Variants in DOCK5 observed in about 807,000 individuals in gnomAD.
DOCK5 encodes dedicator of cytokinesis 5.
Under a neutral mutation model 251.8 loss-of-function variants are expected in DOCK5, and 142 were observed. The observed-to-expected ratio is 0.56, with a 90% confidence interval of 0.49 to 0.65. The LOEUF is 0.65. DOCK5 is among the 30% of genes least tolerant of loss of function. DOCK5 has a pLI of 0.00. For missense variants in DOCK5, 2,111 were observed against 2,312.3 expected, an observed-to-expected ratio of 0.91 and a Z score of 1.79; for synonymous variants, 842 against 835.5, an observed-to-expected ratio of 1.01 and a Z score of -0.13.
intron 1 of DOCK5, among the ~76,000 whole-genome samples, chr8:25,204,158 T>C (rs1204660596): frequency 3.3e-5 from 5 of 152,188 alleles, no homozygotes; most frequent in Non-Finnish European, 7.3e-5. Context: ...TAGCATGTGT[T>C]TGGATGAATT....
At chr8:25,330,036 G>C (rs1054619513) in intron 18 of DOCK5, among the ~76,000 whole-genome samples, 10 of 152,188 alleles carry the variant, frequency 6.6e-5, no homozygotes, top group Admixed American at 5.9e-4. Flanking sequence ...TGGGCTGATA[G>C]ATGGGTACTT....
At chr8:25,249,606 G>T (rs4872298) in intron 2 of DOCK5, among the ~76,000 whole-genome samples, 1 of 151,886 alleles carries the variant, frequency 6.6e-6, no homozygotes, top group African/African-American at 2.4e-5. Context: ...CATCTCTCTC[G>T]CCCTCTCTCT....
At position 25,369,618 on chromosome 8, in the gene DOCK5, A is replaced by C; in HGVS notation, c.3501A>C (p.Gln1167His). The C allele has an allele frequency of 6.2e-7, 1 of 1,610,866 alleles. No individual in the cohort carries two copies. Among genetic ancestry groups the C allele is most frequent in the Non-Finnish European group, 8.5e-7 (1 of 1,178,530 alleles). ...TAGAAGGGGGCAGAGGAGACGAACA[A>C]TACAAGGTTCTTCTGGAAAAACTGT... ...QEVEGGRGDE[Q>H]YKVLLEKLLL... Residue 1167 changes from glutamine (Q) to histidine (H), a missense_variant, in exon 34 of 52, where the codon CAA becomes CAC. Gln to His is a conservative substitution (Grantham distance 24). Coordinates refer to ENST00000276440, the MANE Select transcript of DOCK5 (RefSeq NM_024940.8).
intron 5 of DOCK5, among the ~76,000 whole-genome samples, chr8:25,281,186 G>C (rs879425618): frequency 4.4e-4 from 67 of 152,058 alleles, no homozygotes; most frequent in African/African-American, 1.3e-3. Flanking sequence ...CAGCACTTTG[G>C]GAGGCTGAGG....
chr8:25,245,455 A>C (rs769880804), intron 2 of DOCK5, among the ~76,000 whole-genome samples: 1 of 152,078 alleles, frequency 6.6e-6, no homozygotes, highest in Non-Finnish European at 1.5e-5. Context: ...CCTATTGTGC[A>C]GGTAAAAAGC....
At chr8:25,330,750 A>G (rs961675183) in intron 18 of DOCK5, among the ~76,000 whole-genome samples, 6 of 152,162 alleles carry the variant, frequency 3.9e-5, no homozygotes, top group African/African-American at 1.4e-4. Context: ...ATATATTTCT[A>G]CAAATTCATT....
At chr8:25,221,228 T>G (rs1217015761) in intron 1 of DOCK5, among the ~76,000 whole-genome samples, 1 of 152,240 alleles carries the variant, frequency 6.6e-6, no homozygotes, top group African/African-American at 2.4e-5. Flanking sequence ...ATCTGATAAG[T>G]GAAATTATTA....
At chr8:25,218,587 T>A (rs1586236757) in intron 1 of DOCK5, among the ~76,000 whole-genome samples, 1 of 152,230 alleles carries the variant, frequency 6.6e-6, no homozygotes, top group African/African-American at 2.4e-5. Flanking sequence ...TTTAAGTCCC[T>A]CCTGTGGTGT....
At chr8:25,185,247 G>T (rs376656484) in intron 1 of DOCK5, among the ~76,000 whole-genome samples, 4 of 152,138 alleles carry the variant, frequency 2.6e-5, no homozygotes, top group Admixed American at 1.3e-4. Context: ...ACGCGAGGGG[G>T]GCGCGCCTGC....
chr8:25,270,208 G>A (rs754033850), intron 3 of DOCK5, among the ~76,000 whole-genome samples: 34 of 152,200 alleles, frequency 2.2e-4, no homozygotes, highest in Middle Eastern at 3.4e-3. Flanking sequence ...TTCTAGTGTC[G>A]CATGTCTTTA....
intron 1 of DOCK5, among the ~76,000 whole-genome samples, chr8:25,241,015 C>G (rs1164790842): frequency 6.6e-6 from 1 of 152,226 alleles, no homozygotes; most frequent in Non-Finnish European, 1.5e-5. Flanking sequence ...GTGTGTCTCT[C>G]AGCTCTCTCT....
chr8:25,259,048 G>A (rs1489197694), intron 2 of DOCK5, among the ~76,000 whole-genome samples: 3 of 152,162 alleles, frequency 2.0e-5, no homozygotes, highest in Admixed American at 6.5e-5. Context: ...GAGCCCGGGG[G>A]GGCGGAGGTT....
Position 25,184,880 on chromosome 8 carries a change from C to G in DOCK5, c.-29C>G, listed in dbSNP as rs954984054. 2 of 1,362,776 alleles carry G rather than the reference C, an allele frequency of 1.5e-6. No homozygotes were observed. Among genetic ancestry groups the G allele is most frequent in the Non-Finnish European group, 1.9e-6 (2 of 1,050,778 alleles). The allele number at this position is 1,362,776 out of a possible 1,614,324, so 84.4% of individuals were successfully genotyped here. On this transcript the variant is annotated 5_prime_UTR_variant, in exon 1 of 52. Transcript: ENST00000276440. ...CCCGAGGAGCTGTAGCAGCCTTAGT[C>G]GCCGCCGCCGCGGGGCGAGGTCGCC...
intron 22 of DOCK5, among the ~76,000 whole-genome samples, chr8:25,340,493 T>C (rs1055574387): frequency 6.6e-6 from 1 of 152,234 alleles, no homozygotes; most frequent in South Asian, 2.1e-4. Context: ...TTTCTACTTA[T>C]GAGAAAGAAC....
chr8:25,381,627 C>CA (rs771065292), intron 39 of DOCK5, among the ~76,000 whole-genome samples: 1,993 of 115,516 alleles, frequency 0.017, 24 homozygotes, highest in African/African-American at 0.048. Flanking sequence ...GACCCTGTCT[C>CA]AAAAAAAAAA....
chr8:25,323,624 G>A (rs951894441), intron 16 of DOCK5, among the ~76,000 whole-genome samples: 9 of 152,186 alleles, frequency 5.9e-5, no homozygotes, highest in Admixed American at 2.0e-4. Flanking sequence ...TGACTGGGCA[G>A]ATGCTAGTCT....
rs1454800150 is a variant in DOCK5, at chr8:25,202,419, G to A, written c.43+17468G>A. ...GGTACTCACTCACTGGCTTAGAACA[G>A]CCTGGAATCCTAAGAGGAATGGATG... On this transcript the variant is annotated intron_variant, in intron 1 of 51. Coordinates refer to ENST00000276440, the MANE Select transcript of DOCK5 (RefSeq NM_024940.8). Among the ~76,000 whole-genome samples the A allele has an allele frequency of 2.0e-5, 3 of 152,298 alleles. No individual in the cohort carries two copies. The East Asian group carries it at 5.8e-4, about 29-fold the overall frequency.
In DOCK5 at chr8:25,414,076, T is replaced by C. The variant is rs531512746; in HGVS notation, c.*2778T>C. The stretch of plus-strand genomic sequence containing the variant: ...TTATCCCTAAAATTGTCACAACTTT[T>C]GTGAATACTGGTATACGGTTGGAGG... On this transcript the variant is annotated 3_prime_UTR_variant, in exon 52 of 52. Coordinates refer to ENST00000276440, the MANE Select transcript of DOCK5 (RefSeq NM_024940.8). 1 of 152,258 alleles carries C rather than the reference T, an allele frequency of 6.6e-6. No homozygotes were observed. Among genetic ancestry groups the C allele is most frequent in the Non-Finnish European group, 1.5e-5 (1 of 68,048 alleles). 9.4% of individuals were successfully genotyped at this position (152,258 alleles called of 1,614,324 possible).
At chr8:25,345,357 AG>A (rs754418059) in intron 25 of DOCK5, 117 bp from the exon 26 acceptor site, 1 of 1,445,136 alleles carries the variant, frequency 6.9e-7, no homozygotes, top group East Asian at 2.3e-5. Context: ...GCATCCCTGC[AG>A]GGCTGATTGC....
Sources: gnomAD v4.1 joint callset for allele counts (sites outside exome capture counted in the v4.1 genomes callset) on GRCh38, gnomAD v4.1.1 for gene constraint, MANE v1.5 for transcripts, NCBI Gene and HGNC (gene_info 2026-07-23, HGNC 2026-07-21) for gene names.